FGGY: variants seen among roughly 807,000 people sequenced by gnomAD.
The protein encoded by FGGY is FGGY carbohydrate kinase domain containing, also known as FGGY carbohydrate kinase domain-containing protein.
FGGY carries 72 observed loss-of-function variants against 71.3 expected under a neutral mutation model. That is an observed-to-expected ratio of 1.01 (90% CI 0.84 to 1.23). The LOEUF (loss-of-function observed/expected upper bound fraction) is 1.23, where lower values mean the gene tolerates loss of function less well. FGGY is among the 50% of genes most tolerant of loss of function. The probability of loss-of-function intolerance (pLI) is 0.00; values close to 1 mark genes in which losing one functional copy is unlikely to be tolerated. For synonymous variants in FGGY, 251 were observed against 250.3 expected, an observed-to-expected ratio of 1.00 and a Z score of -0.02; for missense variants, 668 against 682.3, an observed-to-expected ratio of 0.98 and a Z score of 0.23.
chr1:59,509,014 G>A (rs2094458449), intron 6 of FGGY, among the ~76,000 whole-genome samples: 2 of 152,200 alleles, frequency 1.3e-5, no homozygotes, highest in Non-Finnish European at 2.9e-5. Flanking sequence ...GTCTATCAGA[G>A]CCCTTCTGCC....
intron 7 of FGGY, among the ~76,000 whole-genome samples, chr1:59,531,526 G>C (rs972814487): frequency 4.6e-5 from 7 of 152,186 alleles, no homozygotes; most frequent in African/African-American, 1.7e-4. Flanking sequence ...AAGATCAAAA[G>C]AGAAGCCTAC....
chr1:59,522,704 A>G (rs564211560), intron 7 of FGGY, among the ~76,000 whole-genome samples: 2 of 152,154 alleles, frequency 1.3e-5, no homozygotes, highest in Non-Finnish European at 2.9e-5. Context: ...TAGGGAAGGT[A>G]TTTTTACCTC....
At chr1:59,536,953 C>G (rs553075999) in intron 7 of FGGY, among the ~76,000 whole-genome samples, 13 of 152,136 alleles carry the variant, frequency 8.5e-5, no homozygotes, top group South Asian at 2.1e-4. Flanking sequence ...GGGATGCCCT[C>G]TCTCACCACT....
chr1:59,665,804 G>C (rs2153968374), intron 12 of FGGY, among the ~76,000 whole-genome samples: 2 of 151,988 alleles, frequency 1.3e-5, no homozygotes, highest in South Asian at 4.2e-4. Flanking sequence ...CTCCCAAGTA[G>C]CTTGCACTAC....
chr1:59,400,266 C>G (rs2061788745), intron 5 of FGGY, among the ~76,000 whole-genome samples: 1 of 152,110 alleles, frequency 6.6e-6, no homozygotes, highest in Non-Finnish European at 1.5e-5. Context: ...TGATAAACAC[C>G]CACTCCTTTC....
chr1:59,331,302 G>T (rs1212239301), intron 2 of FGGY, among the ~76,000 whole-genome samples: 2 of 152,144 alleles, frequency 1.3e-5, no homozygotes, highest in Non-Finnish European at 2.9e-5. Context: ...TACCTAAGCT[G>T]GGATGCTACG....
At chr1:59,544,125 A>G (rs1245206724) in intron 7 of FGGY, among the ~76,000 whole-genome samples, 3 of 152,192 alleles carry the variant, frequency 2.0e-5, no homozygotes, top group Non-Finnish European at 4.4e-5. Flanking sequence ...TCCTAGGTTC[A>G]TAGCTGGGGC....
Position 59,674,140 on chromosome 1 carries a change from G to C in FGGY, c.1512+7G>C, listed in dbSNP as rs773500753. ...GGATTTCGCTTCTGTACAGGTATGT[G>C]AAGACCAGGGGGTGGGCTGTGGCTC... is the stretch of plus-strand genomic sequence containing the variant. On this transcript the variant is annotated splice_region_variant and intron_variant, in intron 14 of 15. Coordinates refer to ENST00000303721, the MANE Select transcript of FGGY (RefSeq NM_018291.5). The C allele has an allele frequency of 1.6e-5, 25 of 1,611,702 alleles. No individual in the cohort carries two copies. Among genetic ancestry groups the C allele is most frequent in the Non-Finnish European group, 2.1e-5 (25 of 1,178,462 alleles).
intron 5 of FGGY, among the ~76,000 whole-genome samples, chr1:59,406,333 G>A (rs968198271): frequency 1.3e-5 from 2 of 151,924 alleles, no homozygotes; most frequent in Non-Finnish European, 2.9e-5. Context: ...GTAAACAAGT[G>A]TCCTTTTCGA....
intron 5 of FGGY, among the ~76,000 whole-genome samples, chr1:59,386,027 A>G (rs1284247223): frequency 6.6e-6 from 1 of 152,166 alleles, no homozygotes; most frequent in Non-Finnish European, 1.5e-5. Flanking sequence ...TAATTTTAAA[A>G]TAGTTTTAGG....
At chr1:59,731,817 C>T (rs984060306) in intron 14 of FGGY, among the ~76,000 whole-genome samples, 1 of 151,994 alleles carries the variant, frequency 6.6e-6, no homozygotes, top group Non-Finnish European at 1.5e-5. Flanking sequence ...GAGTCAGAAT[C>T]CCCTGGAATC....
chr1:59,673,860 A>G, intron 13 of FGGY, 179 bp from the exon 14 acceptor site: 4 of 572,254 alleles, frequency 7.0e-6, no homozygotes, highest in Non-Finnish European at 1.3e-5. Flanking sequence ...AGGCACAGGC[A>G]GTGAAATCTT....
chr1:59,554,331 T>G, intron 8 of FGGY, 104 bp downstream of exon 8: 1 of 795,832 alleles, frequency 1.3e-6, no homozygotes. Context: ...TTTCCTCTTT[T>G]CCCTGCCTGC....
intron 2 of FGGY, among the ~76,000 whole-genome samples, chr1:59,336,946 G>T (rs1172525961): frequency 6.7e-6 from 1 of 148,232 alleles, no homozygotes; most frequent in Non-Finnish European, 1.5e-5. Context: ...GAATGTATTT[G>T]TCAGGTTTCT....
At chr1:59,665,626 C>T (rs2097316395) in intron 12 of FGGY, among the ~76,000 whole-genome samples, 1 of 152,090 alleles carries the variant, frequency 6.6e-6, no homozygotes, top group Admixed American at 6.5e-5. Flanking sequence ...ACCCCCAACC[C>T]CCCTAAGACG....
At chr1:59,502,409 T>C (rs1281160246) in intron 6 of FGGY, among the ~76,000 whole-genome samples, 1 of 152,144 alleles carries the variant, frequency 6.6e-6, no homozygotes, top group Non-Finnish European at 1.5e-5. Context: ...GCTTTTTGCA[T>C]GTGGCCTTAG....
chr1:59,490,920 T>G (rs763027540), intron 6 of FGGY, among the ~76,000 whole-genome samples: 15 of 152,056 alleles, frequency 9.9e-5, no homozygotes, highest in Non-Finnish European at 1.9e-4. Flanking sequence ...TGTTACTGTT[T>G]TGGTTACTAA....
intron 11 of FGGY, among the ~76,000 whole-genome samples, chr1:59,653,706 C>T (rs2097191282): frequency 6.6e-6 from 1 of 152,212 alleles, no homozygotes; most frequent in South Asian, 2.1e-4. Context: ...CGGAAATCAC[C>T]CGTCTTCTGC....
chr1:59,487,195 C>T (rs934171778), intron 6 of FGGY, among the ~76,000 whole-genome samples: 1 of 152,154 alleles, frequency 6.6e-6, no homozygotes, highest in African/African-American at 2.4e-5. Flanking sequence ...ACTCCATTCT[C>T]GGGTTGAGCT....
Sources: gnomAD v4.1 joint callset for allele counts (sites outside exome capture counted in the v4.1 genomes callset) on GRCh38, gnomAD v4.1.1 for gene constraint, MANE v1.5 for transcripts, NCBI Gene and HGNC (gene_info 2026-07-23, HGNC 2026-07-21) for gene names.